The following DZANK1 variants were observed in gnomAD, a reference collection of about 807,000 sequenced individuals.
DZANK1 encodes double zinc ribbon and ankyrin repeat domains 1.
Under a neutral mutation model 94.5 loss-of-function variants are expected in DZANK1, and 91 were observed. The ratio of observed to expected loss-of-function variants is 0.96; its 90% confidence interval spans 0.81 to 1.15. The LOEUF (loss-of-function observed/expected upper bound fraction) is 1.15. Among genes scored for constraint, DZANK1 ranks in the 50% most tolerant of loss-of-function variants. The probability of loss-of-function intolerance (pLI) is 0.00; values close to 1 mark genes in which losing one functional copy is unlikely to be tolerated. For synonymous variants in DZANK1, 312 were observed against 325.3 expected (o/e 0.96, Z 0.44); for missense variants, 903 against 916.4 (o/e 0.99, Z 0.19).
rs1001909830 is a variant in DZANK1, at chr20:18,392,448, G to A, written c.1809+1263C>T. The stretch of plus-strand genomic sequence containing the variant: ...GCAGCTAGTGCACTGACAAGGCGGC[G>A]TTGAGGGCCTGGCCTTGGAACCACA... On this transcript the variant is annotated intron_variant, in intron 17 of 20. Coordinates refer to ENST00000262547, the Ensembl canonical transcript of DZANK1. Among the ~76,000 whole-genome samples the A allele has an allele frequency of 7.9e-5, 12 of 152,224 alleles. 2 individuals carry two copies. Among genetic ancestry groups the A allele is most frequent in the Admixed American group, 5.9e-4 (9 of 15,286 alleles).
intron 9 of DZANK1, chr20:18,432,490 T>A (rs1191241758): frequency 6.6e-6 from 1 of 152,222 alleles, no homozygotes; most frequent in African/African-American, 2.4e-5. Context: ...TAAATTTTCC[T>A]CTACCTGACT....
Position 18,452,745 on chromosome 20 carries a change from A to G in DZANK1, c.476-63T>C, listed in dbSNP as rs570081492. 6.4e-7 allele frequency: 1 copy of G among 1,554,124 alleles called. No individual in the cohort carries two copies. Among genetic ancestry groups the G allele is most frequent in the African/African-American group, 1.4e-5 (1 of 73,020 alleles). ...TCTTTCACCTACCTGGACGTCTACA[A>G]TGATATTAAAAACATTATTCTTTGA... is the stretch of plus-strand genomic sequence containing the variant. On this transcript the variant is annotated intron_variant, in intron 5 of 20. Transcript: ENST00000262547.
At chr20:18,417,708 A>G (rs534835767) in intron 10 of DZANK1, among the ~76,000 whole-genome samples, 2 of 152,012 alleles carry the variant, frequency 1.3e-5, no homozygotes, top group Admixed American at 1.3e-4. Flanking sequence ...ATCTTTTTTT[A>G]AAAAAAACTA....
At chr20:18,433,883 A>T (rs2058392384) in intron 8 of DZANK1, 118 bp from the exon 9 acceptor site, 2 of 837,790 alleles carry the variant, frequency 2.4e-6, no homozygotes, top group Non-Finnish European at 3.7e-6. Context: ...ATCTCATCTG[A>T]TCTCAAAACC....
intron 9 of DZANK1, chr20:18,428,733 CAG>C (rs1306692062): frequency 3.3e-5 from 5 of 152,202 alleles, no homozygotes; most frequent in Admixed American, 6.5e-5. Flanking sequence ...ATATATCAAA[CAG>C]TGTGTTCAGA....
At chr20:18,390,568 G>A in intron 17 of DZANK1, 109 bp from the exon 18 acceptor site, 2 of 930,336 alleles carry the variant, frequency 2.1e-6, no homozygotes, top group Non-Finnish European at 3.4e-6. Context: ...GTGACTATGA[G>A]TGTGTGCATG....
At chr20:18,394,302 T>G (rs1360161840) in exon 16 of DZANK1, 4 of 1,613,754 alleles carry the variant, frequency 2.5e-6, no homozygotes, top group African/African-American at 1.3e-5. Context: ...TCGGCAGCAC[T>G]GCTCAGAAGG....
chr20:18,429,318 G>C (rs887717388), intron 9 of DZANK1, among the ~76,000 whole-genome samples: 1 of 152,196 alleles, frequency 6.6e-6, no homozygotes. Context: ...TCACCTTGCA[G>C]GGCTCATAAT....
intron 3 of DZANK1, among the ~76,000 whole-genome samples, chr20:18,457,913 A>G (rs2059344919): frequency 6.6e-6 from 1 of 152,174 alleles, no homozygotes; most frequent in African/African-American, 2.4e-5. Flanking sequence ...CCACATCATC[A>G]TGACCACGCT....
intron 8 of DZANK1, among the ~76,000 whole-genome samples, 166 bp downstream of exon 8, chr20:18,443,181 G>A (rs1357738783): frequency 6.6e-6 from 1 of 152,198 alleles, no homozygotes; most frequent in African/African-American, 2.4e-5. Context: ...AGCATTGCAA[G>A]TAAGTTTTTC....
chr20:18,391,686 G>A (rs1041442560), intron 17 of DZANK1, among the ~76,000 whole-genome samples: 2 of 152,218 alleles, frequency 1.3e-5, no homozygotes, highest in African/African-American at 2.4e-5. Context: ...TGGCTGTGGG[G>A]TGGTCACAGG....
At chr20:18,387,061 C>T (rs2148126596) in intron 19 of DZANK1, among the ~76,000 whole-genome samples, 1 of 152,314 alleles carries the variant, frequency 6.6e-6, no homozygotes, top group East Asian at 1.9e-4. Context: ...ATCTTTCATC[C>T]TTTCTTCCTC....
intron 3 of DZANK1, 132 bp downstream of exon 3, chr20:18,460,021 T>G: frequency 1.5e-6 from 1 of 658,328 alleles, no homozygotes; most frequent in Non-Finnish European, 2.3e-6. Flanking sequence ...TACATACATA[T>G]GCTGAAATTA....
intron 3 of DZANK1, among the ~76,000 whole-genome samples, chr20:18,459,447 C>A (rs1219524415): frequency 6.6e-6 from 1 of 152,082 alleles, no homozygotes; most frequent in Non-Finnish European, 1.5e-5. Context: ...CCTGGGCCAG[C>A]CAGGTACTGC....
rs764869947 is a variant in DZANK1, at chr20:18,443,421, G to A, written c.673C>T (p.Arg225Cys). The A allele has an allele frequency of 3.2e-5, 48 of 1,519,702 alleles. No individual in the cohort carries two copies. In the East Asian group the frequency reaches 8.7e-4, roughly 28 times the overall value. 94.1% of individuals were successfully genotyped at this position (1,519,702 alleles called of 1,614,324 possible). Residue 225 changes from arginine to cysteine, a missense_variant, in exon 8 of 21, where the codon CGC becomes TGC. Physicochemically the swap from Arg to Cys is radical, Grantham distance 180. Transcript: ENST00000262547. ...GGAGAGCCACATTCTTGACAGAAGC[G>A]AGCAAAGGGATCTGATGGCCGGGGG... is the stretch of plus-strand genomic sequence containing the variant.
intron 19 of DZANK1, among the ~76,000 whole-genome samples, chr20:18,386,910 A>T (rs1568862118): frequency 6.6e-6 from 1 of 152,248 alleles, no homozygotes; most frequent in Non-Finnish European, 1.5e-5. Flanking sequence ...AGAATTTGCC[A>T]TAGAATGTTC....
intron 10 of DZANK1, among the ~76,000 whole-genome samples, chr20:18,416,431 C>G (rs2057493222): frequency 6.6e-6 from 1 of 152,190 alleles, no homozygotes; most frequent in African/African-American, 2.4e-5. Flanking sequence ...CTTTTATTCC[C>G]CGCACTAGGA....
intron 13 of DZANK1, among the ~76,000 whole-genome samples, chr20:18,404,217 A>G (rs1025249511): frequency 6.6e-6 from 1 of 152,190 alleles, no homozygotes; most frequent in Admixed American, 6.5e-5. Context: ...AGGGAAACCA[A>G]AAGATTGGAT....
At chr20:18,415,427 G>T in exon 11 of DZANK1, 1 of 1,573,828 alleles carries the variant, frequency 6.4e-7, no homozygotes, top group African/African-American at 1.4e-5. Context: ...CGGAGGAGGG[G>T]CTTTATCCCC....
Sources: gnomAD v4.1 joint callset for allele counts (sites outside exome capture counted in the v4.1 genomes callset) on GRCh38, gnomAD v4.1.1 for gene constraint, MANE v1.5 for transcripts, NCBI Gene and HGNC (gene_info 2026-07-23, HGNC 2026-07-21) for gene names.